Variants in RFX7 observed in about 807,000 individuals in gnomAD.
RFX7 encodes regulatory factor X7.
A neutral mutation model predicts 111.8 loss-of-function variants in RFX7; 26 were observed. That is an observed-to-expected ratio of 0.23 (90% confidence interval 0.17 to 0.32). The LOEUF is 0.32. Among genes scored for constraint, RFX7 ranks in the 10% least tolerant of loss-of-function variants. The probability of loss-of-function intolerance (pLI) is 1.00; values close to 1 mark genes in which losing one functional copy is unlikely to be tolerated. For synonymous variants in RFX7, 624 were observed against 624.4 expected, an observed-to-expected ratio of 1.00 and a Z score of 0.01; for missense variants, 1,573 against 1,772.9, an observed-to-expected ratio of 0.89 and a Z score of 2.02.
intron 2 of RFX7, among the ~76,000 whole-genome samples, chr15:56,216,453 G>A (rs1400628294): frequency 1.3e-5 from 2 of 152,088 alleles, no homozygotes; most frequent in Non-Finnish European, 2.9e-5. Context: ...CACCTCTGCT[G>A]CATCCATAGT....
chr15:56,169,793 T>A (rs1251535855), intron 3 of RFX7, among the ~76,000 whole-genome samples: 8 of 151,172 alleles, frequency 5.3e-5, no homozygotes, highest in Non-Finnish European at 1.2e-4. Context: ...AAAGTTTTAG[T>A]TCCCCACGAG....
At chr15:56,126,029 G>A (rs2042140777) in intron 5 of RFX7, among the ~76,000 whole-genome samples, 1 of 152,026 alleles carries the variant, frequency 6.6e-6, no homozygotes, top group African/African-American at 2.4e-5. Context: ...TTGATCTTCT[G>A]TGTTTTCATA....
intron 5 of RFX7, among the ~76,000 whole-genome samples, chr15:56,131,348 G>A (rs1174814799): frequency 2.8e-5 from 4 of 142,870 alleles, no homozygotes; most frequent in African/African-American, 1.0e-4. Context: ...GCTTACTGCC[G>A]CCTCCACCTC....
chr15:56,097,763 A>AAAAAAAAAAAC (rs2041700704), intron 9 of RFX7, among the ~76,000 whole-genome samples: 1 of 150,338 alleles, frequency 6.7e-6, no homozygotes, highest in Non-Finnish European at 1.5e-5. Context: ...AAAAAAAAAA[A>AAAAAAAAAAAC]AAAAAAAATC....
intron 2 of RFX7, among the ~76,000 whole-genome samples, chr15:56,204,869 TA>T: frequency 1.3e-5 from 2 of 152,272 alleles, no homozygotes; most frequent in Middle Eastern, 6.8e-3. Flanking sequence ...GCGTGCTCAA[TA>T]ATCTGTGAAC....
intron 5 of RFX7, among the ~76,000 whole-genome samples, chr15:56,124,722 T>C (rs942817848): frequency 6.6e-6 from 1 of 152,226 alleles, no homozygotes; most frequent in South Asian, 2.1e-4. Context: ...GCGGCTTAAA[T>C]GTCTGAGTTC....
intron 5 of RFX7, among the ~76,000 whole-genome samples, chr15:56,126,694 G>A (rs1366174140): frequency 6.6e-6 from 1 of 152,066 alleles, no homozygotes; most frequent in South Asian, 2.1e-4. Context: ...CAAATAGGCT[G>A]TAAATAAAAG....
chr15:56,109,822 C>A (rs1265035716), intron 5 of RFX7, among the ~76,000 whole-genome samples: 1 of 151,812 alleles, frequency 6.6e-6, no homozygotes, highest in African/African-American at 2.4e-5. Context: ...GCCGCCCTGT[C>A]TGAGAAGTGA....
intron 5 of RFX7, among the ~76,000 whole-genome samples, chr15:56,142,001 C>T (rs1308272272): frequency 1.3e-5 from 2 of 152,026 alleles, no homozygotes; most frequent in Non-Finnish European, 2.9e-5. Flanking sequence ...CATTACCTTA[C>T]ACTGGTTAGC....
intron 5 of RFX7, among the ~76,000 whole-genome samples, chr15:56,119,349 A>G (rs1276885158): frequency 6.6e-6 from 1 of 152,204 alleles, no homozygotes; most frequent in African/African-American, 2.4e-5. Context: ...ATCCACTTTG[A>G]TATCATTTTA....
chr15:56,095,762 G>A lies in RFX7; in HGVS notation c.1966C>T (p.Pro656Ser), dbSNP rs201488404. ...AATGTAGAAGACAGTCGTTTTCTTG[G>A]GCTTTTAGTGCATAATTTAGGGTCT... ...NKDPKLCTKS[P>S]RKRLSSTLQE... The change falls in exon 10 of 10, where the codon CCA becomes TCA. Residue 656 changes from proline to serine, a missense_variant. Physicochemically the swap from Pro to Ser is moderately conservative, Grantham distance 74. Transcript: ENST00000559447. The A allele has an allele frequency of 7.2e-4, 1,161 of 1,613,666 alleles. 1 individual carries two copies. Among genetic ancestry groups the A allele is most frequent in the Non-Finnish European group, 9.4e-4 (1,111 of 1,179,874 alleles).
chr15:56,119,516 C>T (rs2140962733), intron 5 of RFX7, among the ~76,000 whole-genome samples: 1 of 152,140 alleles, frequency 6.6e-6, no homozygotes, highest in African/African-American at 2.4e-5. Flanking sequence ...GTGGCTCACG[C>T]CTGTAATCCC....
rs535433350 is a variant in RFX7, at chr15:56,101,231, C to T, written c.811+128G>A. 1.5e-4 allele frequency: 105 copies of T among 703,496 alleles called. No individual in the cohort carries two copies. The African/African-American group carries it at 1.5e-3, about 10-fold the overall frequency. 43.6% of individuals were successfully genotyped at this position (703,496 alleles called of 1,614,324 possible). A position where few individuals can be genotyped will look rare whatever the true frequency, so the allele number is the denominator to read the frequency against. On this transcript the variant is annotated intron_variant, in intron 8 of 9. Transcript: ENST00000559447. The stretch of plus-strand genomic sequence containing the variant: ...AGACCCATCTGAATTTAGTGTTAAG[C>T]GGAGTAAGAGTGAACACATGCAAGT...
chr15:56,220,607 C>CA (rs1255148396), intron 2 of RFX7, among the ~76,000 whole-genome samples: 1 of 152,060 alleles, frequency 6.6e-6, no homozygotes. Flanking sequence ...GCATAGTTTG[C>CA]AAATATTTTC....
At chr15:56,139,403 C>T (rs548417985) in intron 5 of RFX7, among the ~76,000 whole-genome samples, 11 of 152,324 alleles carry the variant, frequency 7.2e-5, no homozygotes, top group South Asian at 2.1e-4. Flanking sequence ...TCCAGTTGAT[C>T]GCATCGGCTC....
chr15:56,235,914 T>C (rs1377626798), intron 2 of RFX7, among the ~76,000 whole-genome samples: 1 of 152,338 alleles, frequency 6.6e-6, no homozygotes, highest in South Asian at 2.1e-4. Context: ...GACATGGTAG[T>C]GTGTACCATA....
rs547301003 is a variant in RFX7, at chr15:56,115,788, A to G, written c.402-12118T>C. Among the ~76,000 whole-genome samples, 71 of 152,010 alleles carry G rather than the reference A, an allele frequency of 4.7e-4. 1 individual carries two copies. In the East Asian group the frequency reaches 0.013, roughly 27 times the overall value. On this transcript the variant is annotated intron_variant, in intron 5 of 9. Coordinates refer to ENST00000559447, the MANE Select transcript of RFX7 (RefSeq NM_022841.7). The stretch of plus-strand genomic sequence containing the variant: ...CCTGTCTCTACTAAAAATATAAAAA[A>G]ACAATTAGCCGGGCGTGGTGGTGGG...
chr15:56,137,238 C>G (rs1445925400), intron 5 of RFX7, among the ~76,000 whole-genome samples: 1 of 152,128 alleles, frequency 6.6e-6, no homozygotes, highest in Non-Finnish European at 1.5e-5. Flanking sequence ...GTGCATCCAT[C>G]TGGTCCTGGA....
intron 2 of RFX7, among the ~76,000 whole-genome samples, chr15:56,242,842 A>G (rs2043718146): frequency 6.6e-6 from 1 of 152,152 alleles, no homozygotes; most frequent in Non-Finnish European, 1.5e-5. Flanking sequence ...TTCGACCCAT[A>G]TTTCTGTTAC....
Sources: allele counts gnomAD v4.1 joint callset (sites outside exome capture counted in the v4.1 genomes callset), GRCh38; gene constraint gnomAD v4.1.1; transcripts MANE v1.5; gene names NCBI Gene and HGNC (gene_info 2026-07-23, HGNC 2026-07-21).